The following PLA2G4D variants were observed in gnomAD, a reference collection of about 807,000 sequenced individuals.
PLA2G4D encodes the protein phospholipase A2 group IVD, also known as cytosolic phospholipase A2 delta.
PLA2G4D carries 80 observed loss-of-function variants against 94.4 expected under a neutral mutation model. The observed-to-expected ratio is 0.85, with a 90% CI of 0.71 to 1.02. The LOEUF is 1.02. PLA2G4D is among the 50% of genes least tolerant of loss of function. The pLI is 0.00. For missense variants in PLA2G4D, 1,050 were observed against 1,034.7 expected, an observed-to-expected ratio of 1.01 and a Z score of -0.20; for synonymous variants, 438 against 440.9, an observed-to-expected ratio of 0.99 and a Z score of 0.08.
At chr15:42,085,297 G>C (rs1472146434) in intron 5 of PLA2G4D, among the ~76,000 whole-genome samples, 159 bp from the exon 6 acceptor site, 3 of 152,146 alleles carry the variant, frequency 2.0e-5, no homozygotes, top group Non-Finnish European at 2.9e-5. Context: ...GGAGGGGAGA[G>C]AGCAGAGAGA....
rs773322345 is a variant in PLA2G4D at position 42,070,777 on chromosome 15, C to G, written c.1983G>C (p.Arg661=). ...GGATGAGGTCCAGCCTGCGGCCTGG[C>G]CGGAACATGGAGGGAGAGCTGGTGT... ...FINTSSPSMF[R]PGRRLDLILS... is the part of the protein sequence containing the mutation. Residue 661 remains arginine, a synonymous_variant, in exon 18 of 20, where the codon CGG becomes CGC. Coordinates refer to ENST00000290472, the MANE Select transcript of PLA2G4D (RefSeq NM_178034.4). 6.3e-7 allele frequency: 1 copy of G among 1,596,992 alleles called. No homozygotes were observed. The highest frequency in any genetic ancestry group is 8.5e-7 in the Non-Finnish European group (1 of 1,171,324).
At chr15:42,077,925 G>A (rs144081294) in intron 13 of PLA2G4D, among the ~76,000 whole-genome samples, 49 of 152,358 alleles carry the variant, frequency 3.2e-4, no homozygotes, top group Admixed American at 2.0e-3. Flanking sequence ...GCTGAAACAG[G>A]GAAGGGCTGA....
chr15:42,077,369 A>G (rs1431956073), intron 13 of PLA2G4D, among the ~76,000 whole-genome samples: 1 of 152,238 alleles, frequency 6.6e-6, no homozygotes, highest in Non-Finnish European at 1.5e-5. Flanking sequence ...CAACACATCA[A>G]AAAGATTATT....
Position 42,080,982 on chromosome 15 carries a change from C to T in PLA2G4D, c.1094+15G>A, listed in dbSNP as rs1322052684. ...CCCTGATTGTCTCTGCCACCCAGTCCCCCAGGATCCTCACCACGTAGAGCC... is the reference window on the plus strand; with the variant it reads ...CCCTGATTGTCTCTGCCACCCAGTCTCCCAGGATCCTCACCACGTAGAGCC... On this transcript the variant is annotated intron_variant, in intron 12 of 19. Transcript: ENST00000290472. 1 of 1,612,338 alleles carries T rather than the reference C, an allele frequency of 6.2e-7. No individual in the cohort carries two copies. The highest frequency in any genetic ancestry group is 8.5e-7 in the Non-Finnish European group (1 of 1,179,022).
chr15:42,086,177 TG>T, intron 4 of PLA2G4D, 35 bp downstream of exon 4: 1 of 1,514,040 alleles, frequency 6.6e-7, no homozygotes. Flanking sequence ...TTGGAAGAAG[TG>T]GGGCCCACGG....
chr15:42,068,977 G>T (rs763686394), intron 19 of PLA2G4D, 36 bp from the exon 20 acceptor site: 3 of 1,568,566 alleles, frequency 1.9e-6, no homozygotes, highest in Non-Finnish European at 2.6e-6. Context: ...GGAGCAGGAC[G>T]CCGGGGCTTC....
At chr15:42,082,491 A>T in intron 8 of PLA2G4D, 102 bp from the exon 9 acceptor site, 2 of 673,888 alleles carry the variant, frequency 3.0e-6, no homozygotes, top group South Asian at 3.9e-5. Flanking sequence ...CTGATAATAC[A>T]GAATATTATA....
chr15:42,077,900 C>T (rs1889960472), intron 13 of PLA2G4D, among the ~76,000 whole-genome samples: 1 of 152,198 alleles, frequency 6.6e-6, no homozygotes, highest in Non-Finnish European at 1.5e-5. Context: ...TTGACTCGAA[C>T]TAGATTGGAG....
intron 3 of PLA2G4D, among the ~76,000 whole-genome samples, chr15:42,086,863 C>T (rs981711400): frequency 6.6e-6 from 1 of 152,132 alleles, no homozygotes; most frequent in African/African-American, 2.4e-5. Flanking sequence ...AAAAACAAAA[C>T]AAAACACATA....
chr15:42,087,651 C>T lies in PLA2G4D; in HGVS notation c.95G>A (p.Arg32Gln), dbSNP rs143243064. 268 of 1,614,056 alleles carry T rather than the reference C, an allele frequency of 1.7e-4. No homozygotes were observed. The highest frequency in any genetic ancestry group is 2.2e-4 in the Non-Finnish European group (258 of 1,180,044). The change falls in exon 2 of 20, where the codon CGG (arginine) becomes CAG (glutamine). Residue 32 changes from arginine to glutamine, a missense_variant. Transcript: ENST00000290472. Reference sequence around the variant, plus strand: ...ACACAGGTCAGCCCAGCGCAGGTTCCGCGCCTCCAGGACCCTCACTGTGAG... The same window carrying T: ...ACACAGGTCAGCCCAGCGCAGGTTCTGCGCCTCCAGGACCCTCACTGTGAG... ...WQLTVRVLEA[R>Q]NLRWADLLSE...
intron 6 of PLA2G4D, 38 bp from the exon 7 acceptor site, chr15:42,083,817 G>T (rs747483178): frequency 1.9e-6 from 3 of 1,600,436 alleles, no homozygotes; most frequent in African/African-American, 2.7e-5. Flanking sequence ...GCCTCTGCAG[G>T]GTAAGCTGAG....
intron 14 of PLA2G4D, 134 bp from the exon 15 acceptor site, chr15:42,072,045 G>T: frequency 8.0e-7 from 1 of 1,255,952 alleles, no homozygotes; most frequent in Non-Finnish European, 1.1e-6. Context: ...CAGCAGATGT[G>T]AGGAATGGGC....
In PLA2G4D at chr15:42,071,866, C is replaced by T; in HGVS notation, c.1481G>A (p.Gly494Glu). ...GAAGAGCTCAGGAGGGACGAAGGCC[C>T]CGTACTTCAGGAAACCGACCTCATA... Reference protein sequence around the residue: ...SPYEVGFLKYGAFVPPELFGS... With the variant: ...SPYEVGFLKYEAFVPPELFGS... The change falls in exon 15 of 20, where the codon GGG becomes GAG. Residue 494 changes from glycine (G) to glutamate (E), a missense_variant. Physicochemically the swap from Gly to Glu is moderately conservative, Grantham distance 98. Coordinates refer to ENST00000290472, the MANE Select transcript of PLA2G4D (RefSeq NM_178034.4). 2 of 1,614,166 alleles carry T rather than the reference C, an allele frequency of 1.2e-6. No homozygotes were observed. The highest frequency in any genetic ancestry group is 1.3e-5 in the African/African-American group (1 of 75,054).
chr15:42,091,629 C>T (rs1890247362), intron 1 of PLA2G4D, among the ~76,000 whole-genome samples: 2 of 151,990 alleles, frequency 1.3e-5, no homozygotes, highest in Non-Finnish European at 2.9e-5. Flanking sequence ...TCCTCCACCT[C>T]TCGTGGAGGG....
Position 42,078,150 on chromosome 15 carries a change from A to G in PLA2G4D, c.1317+1387T>C, listed in dbSNP as rs114110289. On this transcript the variant is annotated intron_variant, in intron 13 of 19. Coordinates refer to ENST00000290472, the MANE Select transcript of PLA2G4D (RefSeq NM_178034.4). ...ATGGGTGGCCCTGCTCTGCAGGAGCAGTCACAGAGCTGTAACACTGTGCCC... is the reference window on the plus strand; with the variant it reads ...ATGGGTGGCCCTGCTCTGCAGGAGCGGTCACAGAGCTGTAACACTGTGCCC... Among the ~76,000 whole-genome samples the G allele has an allele frequency of 3.7e-3, 563 of 152,396 alleles. 4 individuals carry two copies. Among genetic ancestry groups the G allele is most frequent in the African/African-American group, 0.013 (543 of 41,602 alleles).
At chr15:42,072,689 G>T (rs1027269743) in intron 13 of PLA2G4D, among the ~76,000 whole-genome samples, 2 of 152,180 alleles carry the variant, frequency 1.3e-5, no homozygotes, top group South Asian at 4.1e-4. Context: ...TGGATTTAAG[G>T]GTGAAGTGGG....
chr15:42,087,167 G>T (rs1890165873), intron 3 of PLA2G4D, 133 bp downstream of exon 3: 4 of 1,188,452 alleles, frequency 3.4e-6, no homozygotes, highest in Non-Finnish European at 3.6e-6. Flanking sequence ...GCACAGACAG[G>T]CCAGGGCACA....
rs1482973617 is a variant in PLA2G4D at position 42,071,518 on chromosome 15, A to G, written c.1607T>C (p.Leu536Pro). 6.2e-7 allele frequency: 1 copy of G among 1,613,968 alleles called. No homozygotes were observed. The highest frequency in any genetic ancestry group is 1.1e-5 in the South Asian group (1 of 91,060). The change falls in exon 16 of 20, where the codon CTG becomes CCG. Residue 536 changes from leucine (L) to proline (P), a missense_variant. Coordinates refer to ENST00000290472, the MANE Select transcript of PLA2G4D (RefSeq NM_178034.4). ...IWSNIFSLNLLDAWYDLTSSG... is the reference protein window; with the variant it reads ...IWSNIFSLNLPDAWYDLTSSG... Reference sequence around the variant, plus strand: ...ACTGGTGAGGTCATACCAGGCATCCAGCAGGTTCAGGGAGAAAATGTTGCT... The same window carrying G: ...ACTGGTGAGGTCATACCAGGCATCCGGCAGGTTCAGGGAGAAAATGTTGCT...
chr15:42,081,654 A>C, intron 10 of PLA2G4D, 40 bp from the exon 11 acceptor site: 7 of 1,611,516 alleles, frequency 4.3e-6, no homozygotes, highest in Non-Finnish European at 5.9e-6. Context: ...GGACACCTGC[A>C]TAGCTCAGCC....
Sources: allele counts gnomAD v4.1 joint callset (sites outside exome capture counted in the v4.1 genomes callset), GRCh38; gene constraint gnomAD v4.1.1; transcripts MANE v1.5; gene names NCBI Gene and HGNC (gene_info 2026-07-23, HGNC 2026-07-21).